Variants in WNK1 observed in about 807,000 individuals in gnomAD.
The protein encoded by WNK1 is serine/threonine-protein kinase WNK1.
A neutral mutation model predicts 222.8 loss-of-function variants in WNK1; 38 were observed. That is an observed-to-expected ratio of 0.17 (90% CI 0.13 to 0.22). The LOEUF is 0.22. Among genes scored for constraint, WNK1 ranks in the 10% least tolerant of loss-of-function variants. The pLI, the probability that WNK1 is intolerant of heterozygous loss-of-function variation, is 1.00. For missense variants in WNK1, 2,348 were observed against 2,918.4 expected (o/e 0.80, Z 4.50); for synonymous variants, 1,090 against 1,092.9 (o/e 1.00, Z 0.05).
At chr12:796,980 C>T (rs1013432036) in intron 1 of WNK1, among the ~76,000 whole-genome samples, 1 of 152,120 alleles carries the variant, frequency 6.6e-6, no homozygotes, top group African/African-American at 2.4e-5. Context: ...GTGAAGTTCT[C>T]AAGATTTTAG....
At chr12:891,598 TTTTC>T (rs1954237553) in intron 22 of WNK1, among the ~76,000 whole-genome samples, 1 of 147,548 alleles carries the variant, frequency 6.8e-6, no homozygotes, top group Non-Finnish European at 1.5e-5. Flanking sequence ...AGGGGATTTT[TTTTC>T]TTTTTTTTTT....
At chr12:853,534 A>G (rs751010412) in intron 4 of WNK1, among the ~76,000 whole-genome samples, 1 of 152,216 alleles carries the variant, frequency 6.6e-6, no homozygotes, top group Non-Finnish European at 1.5e-5. Context: ...GACAGGTGTT[A>G]TCATTATTGG....
At chr12:774,673 T>A (rs1942906093) in intron 1 of WNK1, among the ~76,000 whole-genome samples, 1 of 152,226 alleles carries the variant, frequency 6.6e-6, no homozygotes, top group Non-Finnish European at 1.5e-5. Context: ...AAGATTGTTT[T>A]CCAGAAGAGT....
chr12:764,634 C>CAAAAAAAA (rs529312629), intron 1 of WNK1, among the ~76,000 whole-genome samples: 16 of 50,134 alleles, frequency 3.2e-4, no homozygotes, highest in East Asian at 5.5e-4. Context: ...AACTCCGTCT[C>CAAAAAAAA]AAAAAAAAAA....
Position 880,852 on chromosome 12 carries a change from T to C in WNK1, c.2964T>C (p.Pro988=), listed in dbSNP as rs1953089716. 6.2e-7 allele frequency: 1 copy of C among 1,613,994 alleles called. No individual in the cohort carries two copies. Among genetic ancestry groups the C allele is most frequent in the Non-Finnish European group, 8.5e-7 (1 of 1,180,016 alleles). The part of the protein sequence containing the change: ...PPMPTEVLAT[P]GYFPTVVQPY... ...TGCCGACAGAAGTACTGGCTACACC[T>C]GGGTACTTTCCCACAGTGGTGCAGC... is the stretch of plus-strand genomic sequence containing the variant. Residue 988 remains proline, a synonymous_variant, in exon 12 of 28, where the codon CCT becomes CCC. Transcript: ENST00000315939.
chr12:819,872 A>G (rs2154020022), intron 2 of WNK1, among the ~76,000 whole-genome samples: 1 of 152,290 alleles, frequency 6.6e-6, no homozygotes. Context: ...TTATTTAATC[A>G]TATGTATAGG....
intron 1 of WNK1, among the ~76,000 whole-genome samples, chr12:760,648 A>C (rs1388040933): frequency 2.0e-5 from 3 of 147,980 alleles, no homozygotes; most frequent in Non-Finnish European, 4.5e-5. Flanking sequence ...TTAATTTCTC[A>C]AATCTTAACA....
At chr12:779,942 C>T (rs567133183) in intron 1 of WNK1, among the ~76,000 whole-genome samples, 1 of 152,256 alleles carries the variant, frequency 6.6e-6, no homozygotes, top group South Asian at 2.1e-4. Flanking sequence ...GTACCTCTGC[C>T]ATTCCCAATG....
intron 1 of WNK1, among the ~76,000 whole-genome samples, chr12:768,491 G>C (rs1176896459): frequency 6.6e-6 from 1 of 152,062 alleles, no homozygotes; most frequent in East Asian, 1.9e-4. Flanking sequence ...ATGGACATAA[G>C]TGGGGAGCAT....
intron 8 of WNK1, among the ~76,000 whole-genome samples, chr12:869,642 A>C (rs564086472): frequency 6.6e-5 from 10 of 152,158 alleles, no homozygotes; most frequent in Non-Finnish European, 1.2e-4. Flanking sequence ...ATAAAAAAAG[A>C]TAGAAAAGGA....
chr12:865,321 G>C, intron 8 of WNK1: 1 of 1,536,060 alleles, frequency 6.5e-7, no homozygotes, highest in Non-Finnish European at 8.7e-7. Flanking sequence ...GCCTCTCAGC[G>C]CAAGCACCGA....
chr12:765,553 A>G lies in WNK1; in HGVS notation c.759+11229A>G, dbSNP rs1407265512. 6.6e-5 allele frequency among the ~76,000 whole-genome samples: 8 copies of G among 120,762 alleles called. 1 individual carries two copies. Among genetic ancestry groups the G allele is most frequent in the Non-Finnish European group, 1.6e-4 (8 of 50,374 alleles). The allele number at this position is 120,762 out of a possible 152,430, so 79.2% of individuals were successfully genotyped here. A position where few individuals can be genotyped will look rare whatever the true frequency, so the allele number is the denominator to read the frequency against. ...ACAGAGCTATGACCCTGTCTCAAAA[A>G]CAATTTTTTTTTAATCATTGCAGAA... On this transcript the variant is annotated intron_variant, in intron 1 of 27. Coordinates refer to ENST00000315939, the MANE Select transcript of WNK1 (RefSeq NM_018979.4).
At position 890,397 on chromosome 12, in the gene WNK1, A is replaced by T. The variant is rs976689954; in HGVS notation, c.5449-56A>T. The T allele has an allele frequency of 1.2e-5, 19 of 1,608,522 alleles. No individual in the cohort carries two copies. The African/African-American group carries it at 2.0e-4, about 17-fold the overall frequency. ...GACCATAGGAAAGGCAACGAGGCAA[A>T]AGTTTGAGTGACTGAAGCTAAAGAT... is the stretch of plus-strand genomic sequence containing the variant. On this transcript the variant is annotated intron_variant, in intron 21 of 27. Transcript: ENST00000315939.
intron 1 of WNK1, among the ~76,000 whole-genome samples, chr12:809,398 A>G (rs1946706274): frequency 6.6e-6 from 1 of 151,980 alleles, no homozygotes; most frequent in Non-Finnish European, 1.5e-5. Context: ...TTGGGCTCAC[A>G]TAGACTCTCT....
chr12:881,823 G>C lies in WNK1; in HGVS notation c.3209+34G>C, dbSNP rs375562454. 90 of 1,613,596 alleles carry C rather than the reference G, an allele frequency of 5.6e-5. 1 individual carries two copies. In the African/African-American group the frequency reaches 1.1e-3, roughly 20 times the overall value. ...AACTAGAATTCTCCTTCCTTGACTG[G>C]TAAATAAGACGGTATGAAACGCCAA... is the stretch of plus-strand genomic sequence containing the variant. On this transcript the variant is annotated intron_variant, in intron 13 of 27. Transcript: ENST00000315939.
chr12:854,699 G>A (rs1950652580), intron 4 of WNK1, among the ~76,000 whole-genome samples: 1 of 152,136 alleles, frequency 6.6e-6, no homozygotes, highest in Non-Finnish European at 1.5e-5. Flanking sequence ...TATGTTTATT[G>A]TAGAAAACTA....
At chr12:893,079 A>AC (rs1166221126) in intron 22 of WNK1, among the ~76,000 whole-genome samples, 1 of 151,996 alleles carries the variant, frequency 6.6e-6, no homozygotes, top group Admixed American at 6.5e-5. Context: ...ATATAGTGAG[A>AC]CCCCCATCTC....
In WNK1 at chr12:830,857, G is replaced by A. The variant is rs148287539; in HGVS notation, c.1311+697G>A. 3.3e-5 allele frequency among the ~76,000 whole-genome samples: 5 copies of A among 152,246 alleles called. No individual in the cohort carries two copies. In the East Asian group the frequency reaches 9.6e-4, roughly 29 times the overall value. On this transcript the variant is annotated intron_variant, in intron 4 of 27. Coordinates refer to ENST00000315939, the MANE Select transcript of WNK1 (RefSeq NM_018979.4). ...AACCTGTTCAGATATTCTCTCCATT[G>A]TTTCAAAAATGTCCGTTGACAGTGT...
intron 4 of WNK1, among the ~76,000 whole-genome samples, chr12:836,954 G>A (rs1949235399): frequency 6.6e-6 from 1 of 151,896 alleles, no homozygotes; most frequent in African/African-American, 2.4e-5. Flanking sequence ...TTTTCTATCA[G>A]TGTTACTGAA....
Sources: gnomAD v4.1 joint callset for allele counts (sites outside exome capture counted in the v4.1 genomes callset) on GRCh38, gnomAD v4.1.1 for gene constraint, MANE v1.5 for transcripts, NCBI Gene and HGNC (gene_info 2026-07-23, HGNC 2026-07-21) for gene names.